Variants in ROBO2 observed in about 807,000 individuals in gnomAD.
ROBO2 encodes the protein roundabout guidance receptor 2, also known as roundabout homolog 2.
In ROBO2, 53 loss-of-function variants were observed where a neutral mutation model predicts 160.8. The ratio of observed to expected loss-of-function variants is 0.33; its 90% CI spans 0.26 to 0.41. The LOEUF is 0.41. Ranked by LOEUF, ROBO2 falls within the 10% of genes least tolerant of loss-of-function variation. The probability of loss-of-function intolerance (pLI) is 1.00; values close to 1 mark genes in which losing one functional copy is unlikely to be tolerated. For synonymous variants in ROBO2, 664 were observed against 611.7 expected (o/e 1.09, Z -1.26); for missense variants, 1,577 against 1,722.4 (o/e 0.92, Z 1.49).
At chr3:76,090,750 A>T (rs1470722197) in intron 2 of ROBO2, among the ~76,000 whole-genome samples, 1 of 151,600 alleles carries the variant, frequency 6.6e-6, no homozygotes, top group East Asian at 1.9e-4. Flanking sequence ...GACACATAGA[A>T]CGGAACGGAA....
At chr3:77,356,905 A>G (rs1268751007) in intron 2 of ROBO2, among the ~76,000 whole-genome samples, 1 of 152,148 alleles carries the variant, frequency 6.6e-6, no homozygotes, top group East Asian at 1.9e-4. Flanking sequence ...AAAAATACAG[A>G]GAATATTTTG....
At chr3:76,925,484 A>G (rs2076938324) in intron 2 of ROBO2, among the ~76,000 whole-genome samples, 1 of 152,214 alleles carries the variant, frequency 6.6e-6, no homozygotes, top group Admixed American at 6.5e-5. Context: ...ACTGTCTTCC[A>G]TATCAAAATT....
At chr3:76,999,571 C>G (rs941122162) in intron 2 of ROBO2, among the ~76,000 whole-genome samples, 5 of 152,110 alleles carry the variant, frequency 3.3e-5, no homozygotes, top group African/African-American at 1.2e-4. Flanking sequence ...CCTGGAGAAA[C>G]TGTATTCCAG....
chr3:77,622,543 AC>A, intron 23 of ROBO2, 111 bp downstream of exon 24: 1 of 934,244 alleles, frequency 1.1e-6, no homozygotes, highest in Non-Finnish European at 1.7e-6. Context: ...TATTTCTGTA[AC>A]ATTTTAAATG....
At chr3:76,761,026 T>G (rs1372305404) in intron 2 of ROBO2, among the ~76,000 whole-genome samples, 2 of 151,674 alleles carry the variant, frequency 1.3e-5, no homozygotes, top group Non-Finnish European at 3.0e-5. Flanking sequence ...CATGAAAGCC[T>G]GAATGATCCC....
At chr3:76,179,655 G>A (rs1701403782) in intron 2 of ROBO2, among the ~76,000 whole-genome samples, 1 of 151,828 alleles carries the variant, frequency 6.6e-6, no homozygotes, top group South Asian at 2.1e-4. Flanking sequence ...CATCTGCCTG[G>A]GTATAATCAA....
chr3:77,402,830 G>A lies in ROBO2; in HGVS notation c.389-74584G>A, dbSNP rs373462147. On this transcript the variant is annotated intron_variant, in intron 2 of 25. Coordinates refer to ENST00000461745, the Ensembl canonical transcript of ROBO2. ...ATCCTGAGTTAAAAGGTCAAACCAC[G>A]CACTTGATCTCCCAAGTCGCCCACT... is the stretch of plus-strand genomic sequence containing the variant. 1.1e-4 allele frequency among the ~76,000 whole-genome samples: 17 copies of A among 151,986 alleles called. No homozygotes were observed. The East Asian group carries it at 2.3e-3, about 21-fold the overall frequency.
At chr3:75,939,699 G>A (rs1947954396) in intron 2 of ROBO2, among the ~76,000 whole-genome samples, 1 of 152,044 alleles carries the variant, frequency 6.6e-6, no homozygotes, top group Admixed American at 6.6e-5. Context: ...ATAATTGCAA[G>A]TATAACCCAA....
intron 2 of ROBO2, among the ~76,000 whole-genome samples, chr3:77,226,088 T>A (rs2086466203): frequency 6.6e-6 from 1 of 151,994 alleles, no homozygotes. Context: ...ATGCAAGAAA[T>A]AATACAACAT....
intron 2 of ROBO2, among the ~76,000 whole-genome samples, chr3:76,846,639 T>C (rs1013672554): frequency 1.3e-5 from 2 of 152,206 alleles, no homozygotes; most frequent in South Asian, 2.1e-4. Context: ...TTTCTTCTTT[T>C]ATTTTTACCG....
intron 2 of ROBO2, among the ~76,000 whole-genome samples, chr3:76,393,436 G>GA (rs1396808490): frequency 6.6e-6 from 1 of 152,040 alleles, no homozygotes; most frequent in Admixed American, 6.6e-5. Context: ...TAAATTATTA[G>GA]AAAAAAGTAG....
At chr3:76,078,350 G>A (rs62268885) in intron 2 of ROBO2, among the ~76,000 whole-genome samples, 16,558 of 152,062 alleles carry the variant, frequency 0.11, 1,065 homozygotes, top group Non-Finnish European at 0.14. Context: ...AGCAGTAAGC[G>A]ATTTATTTAT....
At chr3:77,268,153 T>G (rs545894601) in intron 2 of ROBO2, among the ~76,000 whole-genome samples, 2 of 152,332 alleles carry the variant, frequency 1.3e-5, no homozygotes, top group East Asian at 1.9e-4. Flanking sequence ...AACATAATTC[T>G]TAAACACTGT....
chr3:77,325,320 T>A (rs1475712285), intron 2 of ROBO2, among the ~76,000 whole-genome samples: 1 of 152,248 alleles, frequency 6.6e-6, no homozygotes, highest in Non-Finnish European at 1.5e-5. Context: ...CCACCTTAGC[T>A]GTTCTGCTTC....
At chr3:76,744,223 G>A (rs750836959) in intron 2 of ROBO2, among the ~76,000 whole-genome samples, 60 of 152,062 alleles carry the variant, frequency 3.9e-4, no homozygotes, top group Non-Finnish European at 6.8e-4. Flanking sequence ...CATAGCTTTG[G>A]AGGCTGAAAG....
At chr3:77,353,645 G>T (rs1009642741) in intron 2 of ROBO2, among the ~76,000 whole-genome samples, 1 of 151,894 alleles carries the variant, frequency 6.6e-6, no homozygotes, top group Non-Finnish European at 1.5e-5. Flanking sequence ...CGAGTAGCTG[G>T]GACTATAGGC....
intron 1 of ROBO2, among the ~76,000 whole-genome samples, chr3:75,920,810 G>C (rs536784278): frequency 6.6e-6 from 1 of 151,714 alleles, no homozygotes; most frequent in Admixed American, 6.6e-5. Flanking sequence ...TATCTTTGTT[G>C]GTTCAAAGTC....
intron 2 of ROBO2, among the ~76,000 whole-genome samples, chr3:77,467,614 T>TCTAG (rs924811067): frequency 2.0e-5 from 3 of 150,540 alleles, no homozygotes; most frequent in Admixed American, 6.7e-5. Context: ...TATCTATCTA[T>TCTAG]CTATCTATCT....
chr3:76,411,939 A>T (rs2075508779), intron 2 of ROBO2, among the ~76,000 whole-genome samples: 1 of 152,134 alleles, frequency 6.6e-6, no homozygotes, highest in African/African-American at 2.4e-5. Context: ...ATCCTGTGGA[A>T]GTATGTGCCT....
Sources: gnomAD v4.1 joint callset for allele counts (sites outside exome capture counted in the v4.1 genomes callset) on GRCh38, gnomAD v4.1.1 for gene constraint, MANE v1.5 for transcripts, NCBI Gene and HGNC (gene_info 2026-07-23, HGNC 2026-07-21) for gene names.